Variants in PDE2A observed in about 807,000 individuals in gnomAD.
PDE2A encodes the protein cGMP-dependent 3',5'-cyclic phosphodiesterase.
PDE2A carries 53 observed loss-of-function variants against 133.6 expected under a neutral mutation model. That is an observed-to-expected ratio of 0.40 (90% CI 0.32 to 0.50). The LOEUF (loss-of-function observed/expected upper bound fraction) is 0.50, where lower values mean the gene tolerates loss of function less well. Ranked by LOEUF, PDE2A falls within the 20% of genes least tolerant of loss-of-function variation. The pLI, the probability that PDE2A is intolerant of heterozygous loss-of-function variation, is 0.73. For synonymous variants in PDE2A, 491 were observed against 490.2 expected (o/e 1.00, Z -0.02); for missense variants, 796 against 1,232.4 (o/e 0.65, Z 5.30).
chr11:72,598,882 C>A (rs546094870), intron 4 of PDE2A: 1 of 985,420 alleles, frequency 1.0e-6, no homozygotes, highest in South Asian at 4.7e-5. Context: ...ACACCCAGGA[C>A]CTTTAAGGTT....
Position 72,579,279 on chromosome 11 carries a change from G to A in PDE2A, c.2356+5C>T, listed in dbSNP as rs1355222570. 2.5e-6 allele frequency: 4 copies of A among 1,601,782 alleles called. No individual in the cohort carries two copies. Among genetic ancestry groups the A allele is most frequent in the East Asian group, 4.5e-5 (2 of 44,838 alleles). On this transcript the variant is annotated splice_donor_5th_base_variant and intron_variant, in intron 27 of 30. Transcript: ENST00000334456. Reference sequence around the variant, plus strand: ...GCCCCAAGGACTGGGGCTAACAGCAGTCACCCTCAGCCATCTTCTGGAGGT... The same window carrying A: ...GCCCCAAGGACTGGGGCTAACAGCAATCACCCTCAGCCATCTTCTGGAGGT...
intron 4 of PDE2A, 54 bp downstream of exon 4, chr11:72,605,084 C>T: frequency 8.5e-7 from 1 of 1,170,132 alleles, no homozygotes; most frequent in South Asian, 1.3e-5. Context: ...GTGCCTCAGC[C>T]CTGAGAATCC....
At chr11:72,640,228 C>T (rs116572615) in intron 2 of PDE2A, among the ~76,000 whole-genome samples, 2,981 of 151,982 alleles carry the variant, frequency 0.02, 96 homozygotes, top group African/African-American at 0.068. Flanking sequence ...TGTATGCATC[C>T]AATTAAATTC....
intron 1 of PDE2A, chr11:72,649,274 G>C (rs1352432858): frequency 6.6e-6 from 1 of 152,254 alleles, no homozygotes; most frequent in Non-Finnish European, 1.5e-5. Context: ...TCTTGACCCA[G>C]AAGAATTGCT....
intron 1 of PDE2A, chr11:72,652,682 A>G (rs1487049172): frequency 2.2e-6 from 1 of 456,166 alleles, no homozygotes; most frequent in Non-Finnish European, 4.4e-6. Flanking sequence ...TTTACAGTTG[A>G]TGAAACTGAG....
Position 72,654,187 on chromosome 11 carries a change from G to A in PDE2A, c.72-11861C>T, listed in dbSNP as rs146849844. ...GGGCCCTGAGGACCCACCAGTGACC[G>A]GTAGAACACAGCCGCCCACCCAGCG... On this transcript the variant is annotated intron_variant, in intron 1 of 30. Transcript: ENST00000334456. Among the ~76,000 whole-genome samples the A allele has an allele frequency of 2.9e-4, 44 of 152,312 alleles. No individual in the cohort carries two copies. In the East Asian group the frequency reaches 3.1e-3, roughly 11 times the overall value.
Position 72,597,126 on chromosome 11 carries a change from A to AG in PDE2A, c.433+383dup, listed in dbSNP as rs1351003916. 6.6e-6 allele frequency among the ~76,000 whole-genome samples: 1 copy of AG among 152,110 alleles called. No homozygotes were observed. The highest frequency in any genetic ancestry group is 1.5e-5 in the Non-Finnish European group (1 of 68,020). On this transcript the variant is annotated intron_variant, in intron 5 of 30. Transcript: ENST00000334456. The surrounding 1 kb of genome is among the most constrained non-coding windows in gnomAD (Gnocchi z 4.6). ...CATGGAGGAGAAGAAAAAGAGAAATAGGGCCAATGACAGTGACAGAGAGAA... is the reference window on the plus strand; with the variant it reads ...CATGGAGGAGAAGAAAAAGAGAAATAGGGGCCAATGACAGTGACAGAGAGAA...
In PDE2A at chr11:72,581,493, G is replaced by T; in HGVS notation, c.1923-14C>A. The stretch of plus-strand genomic sequence containing the variant: ...ATCAAACAGAACCTGGGGGAGGGAA[G>T]AGGGCAGAAGAGGGGCCTCAGCCTC... On this transcript the variant is annotated splice_polypyrimidine_tract_variant and intron_variant, in intron 22 of 30. Coordinates refer to ENST00000334456, the MANE Select transcript of PDE2A (RefSeq NM_002599.5). 6.3e-7 allele frequency: 1 copy of T among 1,578,720 alleles called. No individual in the cohort carries two copies. Among genetic ancestry groups the T allele is most frequent in the Non-Finnish European group, 8.6e-7 (1 of 1,162,328 alleles).
chr11:72,674,249 C>A lies in PDE2A; in HGVS notation c.-42G>T. 6.3e-7 allele frequency: 1 copy of A among 1,581,578 alleles called. No homozygotes were observed. Among genetic ancestry groups the A allele is most frequent in the Non-Finnish European group, 8.6e-7 (1 of 1,165,980 alleles). On this transcript the variant is annotated 5_prime_UTR_variant, in exon 1 of 31. Coordinates refer to ENST00000334456, the MANE Select transcript of PDE2A (RefSeq NM_002599.5). ...CCTCCCCAGCCAGACTAAGGTGGCA[C>A]CTCGCCCTGTCCCCGCTGCCTGGAG...
At chr11:72,638,638 G>T (rs1168549361) in intron 2 of PDE2A, among the ~76,000 whole-genome samples, 1 of 152,126 alleles carries the variant, frequency 6.6e-6, no homozygotes, top group African/African-American at 2.4e-5. Context: ...GTGCCTGCCT[G>T]GTACACAGCA....
At chr11:72,639,225 T>A (rs1858845510) in intron 2 of PDE2A, among the ~76,000 whole-genome samples, 1 of 152,176 alleles carries the variant, frequency 6.6e-6, no homozygotes. Context: ...TGACCAGCTC[T>A]CTCCTTTCAG....
chr11:72,594,391 T>G (rs548993622), intron 6 of PDE2A, among the ~76,000 whole-genome samples: 2 of 152,306 alleles, frequency 1.3e-5, no homozygotes, highest in South Asian at 4.1e-4. Context: ...GTGCTACCTC[T>G]GGGAGGCAGT....
chr11:72,586,063 C>T lies in PDE2A; in HGVS notation c.1182+7G>A. 2 of 1,539,732 alleles carry T rather than the reference C, an allele frequency of 1.3e-6. No homozygotes were observed. The highest frequency in any genetic ancestry group is 2.3e-5 in the East Asian group (1 of 44,154). On this transcript the variant is annotated splice_region_variant and intron_variant, in intron 14 of 30. Transcript: ENST00000334456. ...TGCCCGAGAGAGGCTGAAGGCAGGT[C>T]ACTCACCTGGCACTCACACTTGAGT...
At chr11:72,600,393 C>A (rs1036234754) in intron 4 of PDE2A, among the ~76,000 whole-genome samples, 1 of 152,090 alleles carries the variant, frequency 6.6e-6, no homozygotes, top group Admixed American at 6.5e-5. Flanking sequence ...TTCCAAGGAC[C>A]CTCAATTCTT....
At chr11:72,577,649 CAAGA>C in intron 30 of PDE2A, 55 bp from the exon 31 acceptor site, 1 of 1,260,974 alleles carries the variant, frequency 7.9e-7, no homozygotes, top group Non-Finnish European at 1.1e-6. Context: ...CCATGGGCAG[CAAGA>C]AAGACTAGGG....
intron 4 of PDE2A, among the ~76,000 whole-genome samples, chr11:72,602,014 G>A (rs980766339): frequency 2.6e-5 from 4 of 152,174 alleles, no homozygotes; most frequent in Non-Finnish European, 5.9e-5. Flanking sequence ...AGGCCAATAT[G>A]GCCCAGACCC....
At position 72,631,091 on chromosome 11, in the gene PDE2A, T is replaced by C. The variant is rs1387432163; in HGVS notation, c.144+11163A>G. 5 of 1,529,042 alleles carry C rather than the reference T, an allele frequency of 3.3e-6. No homozygotes were observed. In the South Asian group the frequency reaches 4.8e-5, roughly 15 times the overall value. The allele number at this position is 1,529,042 out of a possible 1,614,324, so 94.7% of individuals were successfully genotyped here. A position where few individuals can be genotyped will look rare whatever the true frequency, so the allele number is the denominator to read the frequency against. On this transcript the variant is annotated intron_variant, in intron 2 of 30. Transcript: ENST00000334456. ...CTGAGCTCTCACCTCCAGTCGGTCGTCTCTACTCCCTGGGGGTCCTGGCTC... is the reference window on the plus strand; with the variant it reads ...CTGAGCTCTCACCTCCAGTCGGTCGCCTCTACTCCCTGGGGGTCCTGGCTC...
At position 72,596,609 on chromosome 11, in the gene PDE2A, A is replaced by G. The variant is rs563842625; in HGVS notation, c.473T>C (p.Val158Ala). 2.0e-6 allele frequency: 3 copies of G among 1,508,518 alleles called. No homozygotes were observed. Among genetic ancestry groups the G allele is most frequent in the Non-Finnish European group, 2.7e-6 (3 of 1,120,530 alleles). 93.4% of individuals were successfully genotyped at this position (1,508,518 alleles called of 1,614,324 possible). Residue 158 changes from valine to alanine, a missense_variant, in exon 6 of 31, where the codon GTG (valine) becomes GCG (alanine). Around this residue, in one of 7 missense-constraint regions of PDE2A, gnomAD observed 417 missense variants for 475.3 expected, o/e 0.88. Coordinates refer to ENST00000334456, the MANE Select transcript of PDE2A (RefSeq NM_002599.5). ...GGCTCTTACCAAGATGACAGCTGCC[A>G]CGGCCCCAGCCTCCTTGTCCGCTAG... ...MPLADKEAGA[V>A]AAVILVHCGQ...
intron 1 of PDE2A, chr11:72,659,279 A>T (rs2135456100): frequency 6.7e-6 from 1 of 149,802 alleles, no homozygotes; most frequent in Non-Finnish European, 1.5e-5. Context: ...CCAGTTCTCA[A>T]ATAAGCACCA....
Sources: allele counts gnomAD v4.1 joint callset (sites outside exome capture counted in the v4.1 genomes callset), GRCh38; gene constraint gnomAD v4.1.1; regional missense constraint gnomAD v4.1.1; non-coding constraint Gnocchi (gnomAD v3.1); transcripts MANE v1.5; gene names NCBI Gene and HGNC (gene_info 2026-07-23, HGNC 2026-07-21).